The following BAIAP2L1 variants were observed in gnomAD, a reference collection of about 807,000 sequenced individuals.
BAIAP2L1 encodes the protein BAR/IMD domain containing adaptor protein 2 like 1, also known as BAR/IMD domain-containing adapter protein 2-like 1.
In BAIAP2L1, 35 loss-of-function variants were observed where a neutral mutation model predicts 66.3. The observed-to-expected ratio is 0.53, with a 90% CI of 0.40 to 0.70. BAIAP2L1 has a LOEUF of 0.70. Among genes scored for constraint, BAIAP2L1 ranks in the 30% least tolerant of loss-of-function variants. The pLI is 0.00. For synonymous variants in BAIAP2L1, 269 were observed against 248.7 expected (o/e 1.08, Z -0.77); for missense variants, 622 against 656.9 (o/e 0.95, Z 0.58).
At chr7:98,332,105 G>A (rs1317615457) in intron 3 of BAIAP2L1, among the ~76,000 whole-genome samples, 8 of 151,966 alleles carry the variant, frequency 5.3e-5, no homozygotes, top group Non-Finnish European at 1.0e-4. Context: ...AACAGGGCTG[G>A]GCGCAGTGGC....
chr7:98,337,362 G>C (rs1379976751), intron 3 of BAIAP2L1, among the ~76,000 whole-genome samples: 1 of 152,110 alleles, frequency 6.6e-6, no homozygotes, highest in Non-Finnish European at 1.5e-5. Context: ...CTCCCGAGTA[G>C]CTGAGATTAC....
chr7:98,384,967 G>A (rs530937323), intron 1 of BAIAP2L1, among the ~76,000 whole-genome samples: 20 of 152,210 alleles, frequency 1.3e-4, no homozygotes, highest in African/African-American at 4.8e-4. Flanking sequence ...CCAAAGTGCT[G>A]GGATTACAGG....
At chr7:98,379,790 C>T (rs752729061) in intron 1 of BAIAP2L1, among the ~76,000 whole-genome samples, 2 of 152,132 alleles carry the variant, frequency 1.3e-5, no homozygotes, top group African/African-American at 2.4e-5. Context: ...AAACCCATTA[C>T]GCTAAGAAGC....
chr7:98,377,819 C>CAAAAAA (rs55633908), intron 1 of BAIAP2L1, among the ~76,000 whole-genome samples: 1 of 40,768 alleles, frequency 2.5e-5, no homozygotes, highest in African/African-American at 1.2e-4. Context: ...GACTCAATCT[C>CAAAAAA]AAAAAAAAAA....
At chr7:98,303,186 A>C (rs534467925) in intron 12 of BAIAP2L1, among the ~76,000 whole-genome samples, 1 of 152,308 alleles carries the variant, frequency 6.6e-6, no homozygotes, top group Admixed American at 6.5e-5. Context: ...CAGACTCCTC[A>C]AGGCTCACGC....
intron 12 of BAIAP2L1, among the ~76,000 whole-genome samples, chr7:98,301,681 ACG>A (rs1800432991): frequency 6.6e-6 from 1 of 151,200 alleles, no homozygotes; most frequent in Admixed American, 6.6e-5. Flanking sequence ...GTGTGTGCAC[ACG>A]CGCGTCTGTG....
intron 3 of BAIAP2L1, among the ~76,000 whole-genome samples, chr7:98,338,247 C>T (rs565747358): frequency 6.6e-6 from 1 of 151,992 alleles, no homozygotes; most frequent in East Asian, 1.9e-4. Context: ...GGTGAAAACC[C>T]GTCTCTACTA....
chr7:98,343,355 G>A (rs1294371124), intron 3 of BAIAP2L1, among the ~76,000 whole-genome samples: 1 of 152,054 alleles, frequency 6.6e-6, no homozygotes, highest in Non-Finnish European at 1.5e-5. Flanking sequence ...GGAGGCTGAC[G>A]TGGGAGAATT....
intron 2 of BAIAP2L1, among the ~76,000 whole-genome samples, chr7:98,360,051 T>C (rs1370155793): frequency 6.6e-6 from 1 of 152,030 alleles, no homozygotes; most frequent in East Asian, 1.9e-4. Flanking sequence ...GCCTCCCACG[T>C]AGTTGGGATC....
intron 3 of BAIAP2L1, among the ~76,000 whole-genome samples, chr7:98,342,835 G>A (rs1271090889): frequency 1.3e-5 from 2 of 151,948 alleles, no homozygotes; most frequent in Admixed American, 1.3e-4. Context: ...AATATTTTCT[G>A]AGTTATAAAA....
At chr7:98,378,446 C>T (rs1802682314) in intron 1 of BAIAP2L1, among the ~76,000 whole-genome samples, 1 of 152,170 alleles carries the variant, frequency 6.6e-6, no homozygotes, top group Non-Finnish European at 1.5e-5. Context: ...GGCTGTTCTC[C>T]AAACAGGTCA....
chr7:98,333,097 C>G (rs1255500423), intron 3 of BAIAP2L1, among the ~76,000 whole-genome samples: 1 of 152,134 alleles, frequency 6.6e-6, no homozygotes, highest in African/African-American at 2.4e-5. Flanking sequence ...CCCCGCAGTG[C>G]ACGTCCCTGA....
intron 1 of BAIAP2L1, among the ~76,000 whole-genome samples, chr7:98,373,250 C>A (rs2115771992): frequency 6.6e-6 from 1 of 152,244 alleles, no homozygotes; most frequent in East Asian, 1.9e-4. Context: ...GAATTTGGAG[C>A]ACAAGCCAAG....
intron 1 of BAIAP2L1, among the ~76,000 whole-genome samples, chr7:98,368,687 C>T (rs910790414): frequency 6.6e-6 from 1 of 151,992 alleles, no homozygotes; most frequent in South Asian, 2.1e-4. Flanking sequence ...AAGACTCTGT[C>T]TCAAAAAAAT....
At chr7:98,388,228 C>G (rs1802943514) in intron 1 of BAIAP2L1, among the ~76,000 whole-genome samples, 1 of 152,200 alleles carries the variant, frequency 6.6e-6, no homozygotes. Flanking sequence ...TCCTTATTTA[C>G]AGACTAAAGC....
intron 2 of BAIAP2L1, among the ~76,000 whole-genome samples, chr7:98,358,121 T>C (rs879795919): frequency 2.0e-5 from 3 of 152,242 alleles, no homozygotes; most frequent in Non-Finnish European, 4.4e-5. Flanking sequence ...ATGTTTGGTT[T>C]GCATCCACAC....
At chr7:98,296,064 C>T (rs899580017) in intron 12 of BAIAP2L1, among the ~76,000 whole-genome samples, 3 of 152,190 alleles carry the variant, frequency 2.0e-5, no homozygotes, top group African/African-American at 4.8e-5. Flanking sequence ...ACCAGACGCC[C>T]GTCAATGGGA....
At chr7:98,294,948 G>T (rs531393140) in intron 12 of BAIAP2L1, among the ~76,000 whole-genome samples, 1 of 152,244 alleles carries the variant, frequency 6.6e-6, no homozygotes, top group South Asian at 2.1e-4. Context: ...AGCCTGGAGG[G>T]TTTAACACTC....
At chr7:98,338,576 T>C (rs1422305312) in intron 3 of BAIAP2L1, among the ~76,000 whole-genome samples, 2 of 152,206 alleles carry the variant, frequency 1.3e-5, no homozygotes, top group Admixed American at 1.3e-4. Context: ...AACAAAATCA[T>C]ACAATAAATA....
Sources: gnomAD v4.1 joint callset for allele counts (sites outside exome capture counted in the v4.1 genomes callset) on GRCh38, gnomAD v4.1.1 for gene constraint, MANE v1.5 for transcripts, NCBI Gene and HGNC (gene_info 2026-07-23, HGNC 2026-07-21) for gene names.